TP53INP1: variants seen among roughly 807,000 people sequenced by gnomAD.
TP53INP1 encodes the protein tumor protein p53-inducible nuclear protein 1.
A neutral mutation model predicts 21.0 loss-of-function variants in TP53INP1; 12 were observed. The observed-to-expected ratio is 0.57, with a 90% CI of 0.37 to 0.93. The LOEUF (loss-of-function observed/expected upper bound fraction) is 0.93. TP53INP1 is among the 40% of genes least tolerant of loss of function. TP53INP1 has a pLI of 0.01. For synonymous variants in TP53INP1, 91 were observed against 94.8 expected (o/e 0.96, Z 0.23); for missense variants, 274 against 294.7 (o/e 0.93, Z 0.51).
chr8:94,936,531 G>A (rs919438226), intron 3 of TP53INP1, among the ~76,000 whole-genome samples: 3 of 152,124 alleles, frequency 2.0e-5, no homozygotes, highest in Non-Finnish European at 2.9e-5. Flanking sequence ...TCGGCTCTGT[G>A]GGCTGAACTG....
rs1384344196 is a variant in TP53INP1 at position 94,949,138 on chromosome 8, C to A, written c.-151+16G>T. The A allele has an allele frequency of 1.3e-5, 2 of 149,282 alleles. No individual in the cohort carries two copies. Among genetic ancestry groups the A allele is most frequent in the Non-Finnish European group, 3.0e-5 (2 of 66,896 alleles). 9.2% of individuals were successfully genotyped at this position (149,282 alleles called of 1,614,324 possible). A position where few individuals can be genotyped will look rare whatever the true frequency, so the allele number is the denominator to read the frequency against. On this transcript the variant is annotated intron_variant, in intron 1 of 3. Coordinates refer to ENST00000342697, the MANE Select transcript of TP53INP1 (RefSeq NM_033285.4). The stretch of plus-strand genomic sequence containing the variant: ...GGCCCTGGACGGACGCCCGCCCGCC[C>A]CCCCCCGGCACTTACGTGGGCCCGG...
intron 1 of TP53INP1, among the ~76,000 whole-genome samples, chr8:94,948,797 G>T (rs559512134): frequency 2.0e-5 from 3 of 152,086 alleles, no homozygotes; most frequent in Admixed American, 2.0e-4. Context: ...AGAGGAGGAG[G>T]TCCCGCCGCG....
chr8:94,935,053 C>T (rs78038366), intron 3 of TP53INP1, among the ~76,000 whole-genome samples: 1,860 of 151,908 alleles, frequency 0.012, 21 homozygotes, highest in Non-Finnish European at 0.021. Context: ...AATTAATGTG[C>T]TGCCTAGGGT....
intron 1 of TP53INP1, among the ~76,000 whole-genome samples, chr8:94,946,408 A>C (rs1821993544): frequency 6.6e-6 from 1 of 151,950 alleles, no homozygotes; most frequent in African/African-American, 2.4e-5. Context: ...GTACTTAAAG[A>C]CTGGCTCTGA....
At chr8:94,940,260 AAG>A in intron 2 of TP53INP1, 40 bp from the exon 3 acceptor site, 1 of 1,556,928 alleles carries the variant, frequency 6.4e-7, no homozygotes, top group Non-Finnish European at 8.7e-7. Context: ...TGTGTTGTTG[AAG>A]AGTCCCACAG....
intron 3 of TP53INP1, among the ~76,000 whole-genome samples, chr8:94,931,401 CA>C (rs201654101): frequency 0.02 from 3,104 of 152,236 alleles, 37 homozygotes; most frequent in African/African-American, 0.032. Flanking sequence ...TTGAATAACA[CA>C]ATCTTAAAAT....
At chr8:94,935,100 T>C (rs1199732197) in intron 3 of TP53INP1, among the ~76,000 whole-genome samples, 1 of 149,176 alleles carries the variant, frequency 6.7e-6, no homozygotes, top group Non-Finnish European at 1.5e-5. Context: ...GGTAGGTAGG[T>C]AGGTAGGTAG....
intron 3 of TP53INP1, among the ~76,000 whole-genome samples, chr8:94,930,998 G>T (rs571354778): frequency 6.6e-6 from 1 of 152,296 alleles, no homozygotes; most frequent in African/African-American, 2.4e-5. Flanking sequence ...TTTAAACTTT[G>T]AATTTCATTT....
At chr8:94,945,353 G>GA (rs943157376) in intron 1 of TP53INP1, 1 of 152,012 alleles carries the variant, frequency 6.6e-6, no homozygotes, top group African/African-American at 2.4e-5. Context: ...ATTACATGTT[G>GA]AAAAAATAAT....
At chr8:94,947,931 A>G (rs1158283669) in intron 1 of TP53INP1, among the ~76,000 whole-genome samples, 1 of 152,250 alleles carries the variant, frequency 6.6e-6, no homozygotes, top group Non-Finnish European at 1.5e-5. Flanking sequence ...TGCTTTTCAC[A>G]TCTGCAAATG....
At chr8:94,949,076 G>A (rs1822296959) in intron 1 of TP53INP1, 78 bp downstream of exon 1, 2 of 148,400 alleles carry the variant, frequency 1.3e-5, no homozygotes, top group Non-Finnish European at 3.0e-5. Context: ...CCGGGCTCAG[G>A]AGCGGGCAGC....
chr8:94,939,399 A>T (rs1821298018), intron 3 of TP53INP1, among the ~76,000 whole-genome samples: 5 of 152,024 alleles, frequency 3.3e-5, no homozygotes, highest in Admixed American at 3.3e-4. Context: ...TCTAAAATGA[A>T]CAAGTTTTTG....
intron 3 of TP53INP1, among the ~76,000 whole-genome samples, chr8:94,933,849 G>GGGA (rs1820698675): frequency 7.0e-6 from 1 of 142,726 alleles, no homozygotes. Flanking sequence ...GGGGGGGGAG[G>GGGA]ATCACGAGGT....
chr8:94,947,304 G>A (rs1203361094), intron 1 of TP53INP1, among the ~76,000 whole-genome samples: 2 of 146,186 alleles, frequency 1.4e-5, no homozygotes, highest in Non-Finnish European at 3.0e-5. Context: ...AAAAAAACCC[G>A]CAAGTTTGAT....
chr8:94,934,975 T>G (rs943884254), intron 3 of TP53INP1, among the ~76,000 whole-genome samples: 5 of 152,148 alleles, frequency 3.3e-5, no homozygotes, highest in African/African-American at 7.2e-5. Context: ...TGAAATATGT[T>G]TAGCCTCATA....
intron 3 of TP53INP1, among the ~76,000 whole-genome samples, chr8:94,932,617 A>T (rs1451518353): frequency 6.6e-6 from 1 of 151,926 alleles, no homozygotes; most frequent in Non-Finnish European, 1.5e-5. Flanking sequence ...TCCTGGCTAA[A>T]ACAGTGAAAC....
At chr8:94,943,211 A>G (rs1821708491) in intron 1 of TP53INP1, among the ~76,000 whole-genome samples, 1 of 152,210 alleles carries the variant, frequency 6.6e-6, no homozygotes, top group African/African-American at 2.4e-5. Flanking sequence ...GGATGAGGCT[A>G]GGTGTGGAGG....
intron 3 of TP53INP1, among the ~76,000 whole-genome samples, chr8:94,932,415 A>G (rs1820501218): frequency 6.6e-6 from 1 of 152,242 alleles, no homozygotes; most frequent in Admixed American, 6.5e-5. Context: ...CATATGATTC[A>G]TTTCCTGCTA....
At position 94,927,010 on chromosome 8, in the gene TP53INP1, T is replaced by C. The variant is rs955254588; in HGVS notation, c.*3469A>G. The C allele has an allele frequency of 6.6e-6, 1 of 152,208 alleles. No individual in the cohort carries two copies. The highest frequency in any genetic ancestry group is 1.5e-5 in the Non-Finnish European group (1 of 68,022). 9.4% of individuals were successfully genotyped at this position (152,208 alleles called of 1,614,324 possible). A position where few individuals can be genotyped will look rare whatever the true frequency, so the allele number is the denominator to read the frequency against. ...GTTTAACCAGTATTTATGGGCCTTA[T>C]AAAATAAAAAGATAATTTTAAAGTA... On this transcript the variant is annotated 3_prime_UTR_variant, in exon 4 of 4. Coordinates refer to ENST00000342697, the MANE Select transcript of TP53INP1 (RefSeq NM_033285.4).
Sources: gnomAD v4.1 joint callset for allele counts (sites outside exome capture counted in the v4.1 genomes callset) on GRCh38, gnomAD v4.1.1 for gene constraint, MANE v1.5 for transcripts, NCBI Gene and HGNC (gene_info 2026-07-23, HGNC 2026-07-21) for gene names.